The following KCNIP4 variants were observed in gnomAD, a reference collection of about 807,000 sequenced individuals.
KCNIP4 encodes the protein Kv channel-interacting protein 4.
KCNIP4 carries 12 observed loss-of-function variants against 34.0 expected under a neutral mutation model. The observed-to-expected ratio is 0.35, with a 90% CI of 0.23 to 0.57. KCNIP4 has a LOEUF of 0.57. Among genes scored for constraint, KCNIP4 ranks in the 20% least tolerant of loss-of-function variants. KCNIP4 has a pLI of 0.83. For missense variants in KCNIP4, 238 were observed against 311.7 expected, an observed-to-expected ratio of 0.76 and a Z score of 1.78; for synonymous variants, 124 against 102.2, an observed-to-expected ratio of 1.21 and a Z score of -1.29.
At chr4:20,768,153 G>A (rs1241789979) in intron 3 of KCNIP4, among the ~76,000 whole-genome samples, 1 of 152,154 alleles carries the variant, frequency 6.6e-6, no homozygotes, top group Non-Finnish European at 1.5e-5. Context: ...ACAAGGCAGG[G>A]ACTAACCTTT....
chr4:20,922,535 G>A (rs199523500), intron 1 of KCNIP4, among the ~76,000 whole-genome samples: 80 of 86,884 alleles, frequency 9.2e-4, no homozygotes, highest in Non-Finnish European at 1.5e-3. Context: ...CTGTCTGTCT[G>A]TCTGTCTGTC....
chr4:21,255,808 A>G (rs941607499), intron 1 of KCNIP4, among the ~76,000 whole-genome samples: 7 of 152,178 alleles, frequency 4.6e-5, no homozygotes, highest in South Asian at 2.1e-4. Flanking sequence ...GCGGTCCCCA[A>G]TGTTGAAGAA....
chr4:21,298,005 C>T (rs1763939263), intron 1 of KCNIP4, among the ~76,000 whole-genome samples: 1 of 152,098 alleles, frequency 6.6e-6, no homozygotes, highest in Non-Finnish European at 1.5e-5. Flanking sequence ...ATCTAGACTC[C>T]TTCATTTACT....
chr4:20,913,128 A>G (rs1253967667), intron 1 of KCNIP4, among the ~76,000 whole-genome samples: 1 of 152,220 alleles, frequency 6.6e-6, no homozygotes, highest in Non-Finnish European at 1.5e-5. Context: ...GGAAACAACC[A>G]CAATGTCCAT....
intron 1 of KCNIP4, among the ~76,000 whole-genome samples, chr4:21,897,901 A>C (rs1727488115): frequency 6.6e-6 from 1 of 152,210 alleles, no homozygotes; most frequent in African/African-American, 2.4e-5. Flanking sequence ...ACACCACTCC[A>C]TCACCATCCC....
At chr4:21,449,324 TG>T (rs1728311028) in intron 1 of KCNIP4, among the ~76,000 whole-genome samples, 5 of 152,180 alleles carry the variant, frequency 3.3e-5, no homozygotes, top group Admixed American at 2.6e-4. Context: ...TCCCACCATT[TG>T]TATGTTGGTA....
chr4:21,253,295 C>T (rs1241011884), intron 1 of KCNIP4, among the ~76,000 whole-genome samples: 1 of 152,080 alleles, frequency 6.6e-6, no homozygotes. Context: ...TGTTATTTAG[C>T]CAACAGGTAT....
At chr4:21,799,736 A>C (rs944312070) in intron 1 of KCNIP4, among the ~76,000 whole-genome samples, 6 of 152,188 alleles carry the variant, frequency 3.9e-5, no homozygotes, top group African/African-American at 1.4e-4. Flanking sequence ...TGTGATTTCT[A>C]TGTCACATGT....
At chr4:21,460,583 T>C (rs1258138088) in intron 1 of KCNIP4, among the ~76,000 whole-genome samples, 1 of 152,128 alleles carries the variant, frequency 6.6e-6, no homozygotes, top group African/African-American at 2.4e-5. Context: ...CGTTCTAACA[T>C]GGCAGAGAGA....
intron 3 of KCNIP4, among the ~76,000 whole-genome samples, chr4:20,782,636 T>C (rs1756972138): frequency 6.6e-6 from 1 of 152,002 alleles, no homozygotes; most frequent in African/African-American, 2.4e-5. Context: ...ACCAAGTCCC[T>C]AGACTACACA....
chr4:21,508,083 C>G (rs1485106170), intron 1 of KCNIP4, among the ~76,000 whole-genome samples: 3 of 152,160 alleles, frequency 2.0e-5, no homozygotes, highest in African/African-American at 7.2e-5. Context: ...ACACAGCATC[C>G]AAACACCATA....
intron 1 of KCNIP4, among the ~76,000 whole-genome samples, chr4:21,635,493 C>T (rs1365774924): frequency 6.6e-6 from 1 of 152,118 alleles, no homozygotes; most frequent in East Asian, 1.9e-4. Context: ...TGAACAGACA[C>T]TTCTCAAAAG....
intron 1 of KCNIP4, among the ~76,000 whole-genome samples, chr4:21,449,742 T>C (rs1728358211): frequency 1.3e-5 from 2 of 152,162 alleles, no homozygotes; most frequent in African/African-American, 4.8e-5. Context: ...CTTTTTGTTT[T>C]TTCACTGCTG....
intron 1 of KCNIP4, among the ~76,000 whole-genome samples, chr4:21,259,924 C>T (rs143111815): frequency 0.027 from 1,963 of 73,986 alleles, 19 homozygotes; most frequent in Non-Finnish European, 0.045. Context: ...TGTGTGTGCA[C>T]GTGCGCTTAT....
At chr4:21,665,946 A>G (rs1748915959) in intron 1 of KCNIP4, among the ~76,000 whole-genome samples, 1 of 152,202 alleles carries the variant, frequency 6.6e-6, no homozygotes, top group South Asian at 2.1e-4. Flanking sequence ...GGTGGAAACT[A>G]ACTTTAATAT....
At chr4:21,802,426 T>C (rs933629767) in intron 1 of KCNIP4, among the ~76,000 whole-genome samples, 1 of 152,202 alleles carries the variant, frequency 6.6e-6, no homozygotes, top group African/African-American at 2.4e-5. Context: ...TAGTTTTTGT[T>C]TTTGTTTTCC....
chr4:21,592,664 A>G (rs1173279192), intron 1 of KCNIP4, among the ~76,000 whole-genome samples: 2 of 152,134 alleles, frequency 1.3e-5, no homozygotes, highest in African/African-American at 4.8e-5. Context: ...ACGTGCTTAT[A>G]AGAAAGCTGC....
chr4:21,452,808 A>G (rs1728621260), intron 1 of KCNIP4, among the ~76,000 whole-genome samples: 1 of 150,800 alleles, frequency 6.6e-6, no homozygotes, highest in African/African-American at 2.4e-5. Flanking sequence ...ACAGAAAAAA[A>G]GAAGTCCTTT....
intron 1 of KCNIP4, among the ~76,000 whole-genome samples, chr4:21,753,455 A>G (rs1193893090): frequency 6.6e-6 from 1 of 152,186 alleles, no homozygotes; most frequent in Non-Finnish European, 1.5e-5. Flanking sequence ...CTCATGCCTC[A>G]GGCAGAGTTT....
Sources: gnomAD v4.1 joint callset for allele counts (sites outside exome capture counted in the v4.1 genomes callset) on GRCh38, gnomAD v4.1.1 for gene constraint, MANE v1.5 for transcripts, NCBI Gene and HGNC (gene_info 2026-07-23, HGNC 2026-07-21) for gene names.